STK32B: variants seen among roughly 807,000 people sequenced by gnomAD.
STK32B encodes serine/threonine kinase 32B, also known as serine/threonine-protein kinase 32B.
In STK32B, 43 loss-of-function variants were observed where a neutral mutation model predicts 52.6. That is an observed-to-expected ratio of 0.82 (90% CI 0.64 to 1.05). The LOEUF (loss-of-function observed/expected upper bound fraction) is 1.05. Among genes scored for constraint, STK32B ranks in the 50% least tolerant of loss-of-function variants. The pLI is 0.00. For missense variants in STK32B, 621 were observed against 534.6 expected (o/e 1.16, Z -1.59); for synonymous variants, 238 against 204.3 (o/e 1.17, Z -1.41).
At chr4:5,285,371 AACTTACTAAAG>A (rs1238970589) in intron 3 of STK32B, among the ~76,000 whole-genome samples, 1 of 152,162 alleles carries the variant, frequency 6.6e-6, no homozygotes, top group Non-Finnish European at 1.5e-5. Context: ...AAACATTCTG[AACTTACTAAAG>A]AATACCCAAA....
intron 11 of STK32B, among the ~76,000 whole-genome samples, chr4:5,472,018 TGG>T (rs1426608139): frequency 6.6e-6 from 1 of 152,174 alleles, no homozygotes; most frequent in Non-Finnish European, 1.5e-5. Flanking sequence ...AGAAAGCTCT[TGG>T]GGAGAGAGAC....
At chr4:5,161,840 C>A (rs1718471804) in intron 2 of STK32B, among the ~76,000 whole-genome samples, 1 of 152,116 alleles carries the variant, frequency 6.6e-6, no homozygotes, top group South Asian at 2.1e-4. Flanking sequence ...TCCCCCTACC[C>A]CCACCCACCC....
intron 3 of STK32B, among the ~76,000 whole-genome samples, chr4:5,289,982 T>C (rs960483014): frequency 6.6e-6 from 1 of 152,084 alleles, no homozygotes; most frequent in African/African-American, 2.4e-5. Flanking sequence ...TAGTACCCAA[T>C]AGGTAGTTTT....
At chr4:5,350,558 TAA>T (rs1733760154) in intron 4 of STK32B, among the ~76,000 whole-genome samples, 1 of 151,802 alleles carries the variant, frequency 6.6e-6, no homozygotes, top group African/African-American at 2.4e-5. Flanking sequence ...AACGCAATGA[TAA>T]ACAATAAAAT....
intron 6 of STK32B, chr4:5,436,778 G>A (rs1375264345): frequency 1.6e-6 from 1 of 628,228 alleles, no homozygotes; most frequent in Non-Finnish European, 2.0e-6. Flanking sequence ...TTGACCTCAG[G>A]GGTACTACTG....
At chr4:5,165,126 C>G (rs2108731579) in intron 2 of STK32B, among the ~76,000 whole-genome samples, 1 of 152,238 alleles carries the variant, frequency 6.6e-6, no homozygotes, top group South Asian at 2.1e-4. Flanking sequence ...GGTCTTAGCC[C>G]TGAATTTACC....
At chr4:5,287,123 TAAG>T (rs1394853045) in intron 3 of STK32B, among the ~76,000 whole-genome samples, 3 of 152,082 alleles carry the variant, frequency 2.0e-5, no homozygotes, top group African/African-American at 7.2e-5. Context: ...GGTTATATTC[TAAG>T]GAGTGAAATT....
chr4:5,111,677 A>G (rs997905450), intron 1 of STK32B, among the ~76,000 whole-genome samples: 4 of 152,144 alleles, frequency 2.6e-5, no homozygotes, highest in African/African-American at 9.7e-5. Context: ...GATGATGGGT[A>G]CACTAGAAGC....
At chr4:5,129,494 C>A (rs1715616555) in intron 1 of STK32B, among the ~76,000 whole-genome samples, 1 of 152,174 alleles carries the variant, frequency 6.6e-6, no homozygotes, top group South Asian at 2.1e-4. Context: ...ACTATGTATT[C>A]TTATATCTGG....
At chr4:5,318,492 G>C (rs949231157) in intron 3 of STK32B, among the ~76,000 whole-genome samples, 5 of 152,216 alleles carry the variant, frequency 3.3e-5, no homozygotes, top group Non-Finnish European at 5.9e-5. Flanking sequence ...TTAGGAGCAA[G>C]ATAAAATGAA....
chr4:5,286,025 C>T (rs1403990082), intron 3 of STK32B, among the ~76,000 whole-genome samples: 1 of 151,956 alleles, frequency 6.6e-6, no homozygotes, highest in Non-Finnish European at 1.5e-5. Context: ...GAGGGAGGAT[C>T]ATTATGTGGT....
At chr4:5,462,876 G>C (rs374769711) in intron 9 of STK32B, among the ~76,000 whole-genome samples, 13 of 152,324 alleles carry the variant, frequency 8.5e-5, no homozygotes, top group Middle Eastern at 3.4e-3. Flanking sequence ...CACAAGGGTA[G>C]GGTTTTGTGG....
the STK32B span, among the ~76,000 whole-genome samples, chr4:5,040,135 C>G: frequency 6.6e-6 from 1 of 152,194 alleles, no homozygotes; most frequent in Non-Finnish European, 1.5e-5. Flanking sequence ...AACTTAATTC[C>G]ATGGCCACTC....
intron 4 of STK32B, among the ~76,000 whole-genome samples, chr4:5,344,295 A>G (rs1481565748): frequency 2.0e-5 from 3 of 152,226 alleles, no homozygotes; most frequent in African/African-American, 4.8e-5. Context: ...AATTTTTACC[A>G]GTAGCATTAC....
intron 5 of STK32B, among the ~76,000 whole-genome samples, chr4:5,403,351 C>T (rs1194305173): frequency 6.6e-6 from 1 of 152,162 alleles, no homozygotes; most frequent in African/African-American, 2.4e-5. Context: ...TCAGACCAGT[C>T]AATCATAAGT....
At chr4:5,146,421 A>G (rs1716918941) in intron 2 of STK32B, among the ~76,000 whole-genome samples, 1 of 152,238 alleles carries the variant, frequency 6.6e-6, no homozygotes, top group Non-Finnish European at 1.5e-5. Context: ...GGCAGAAAGC[A>G]TATCCAGCAC....
chr4:5,178,915 A>C (rs900397427), intron 3 of STK32B, among the ~76,000 whole-genome samples: 1 of 152,196 alleles, frequency 6.6e-6, no homozygotes, highest in African/African-American at 2.4e-5. Flanking sequence ...AATCTGTTGC[A>C]ACCTCTGCCT....
At chr4:5,349,266 G>A (rs1019274768) in intron 4 of STK32B, among the ~76,000 whole-genome samples, 13 of 152,126 alleles carry the variant, frequency 8.5e-5, no homozygotes, top group African/African-American at 3.1e-4. Context: ...TGCCACCAAT[G>A]TGGCCCAAAG....
intron 4 of STK32B, among the ~76,000 whole-genome samples, chr4:5,362,310 A>C (rs187427141): frequency 2.6e-5 from 4 of 152,314 alleles, no homozygotes; most frequent in Admixed American, 1.3e-4. Context: ...CTCATGATCT[A>C]TTTGTAAATT....
Sources: allele counts gnomAD v4.1 joint callset (sites outside exome capture counted in the v4.1 genomes callset), GRCh38; gene constraint gnomAD v4.1.1; transcripts MANE v1.5; gene names NCBI Gene and HGNC (gene_info 2026-07-23, HGNC 2026-07-21).